Variants in COPG2 observed in about 807,000 individuals in gnomAD.
COPG2 encodes the protein coat protein complex I subunit gamma 2.
A neutral mutation model predicts 46.3 loss-of-function variants in COPG2; 37 were observed. The ratio of observed to expected loss-of-function variants is 0.80; its 90% CI spans 0.61 to 1.05. COPG2 has a LOEUF of 1.05. Among genes scored for constraint, COPG2 ranks in the 50% least tolerant of loss-of-function variants. The probability of loss-of-function intolerance (pLI) is 0.00; values close to 1 mark genes in which losing one functional copy is unlikely to be tolerated. For synonymous variants in COPG2, 159 were observed against 129.7 expected, an observed-to-expected ratio of 1.23 and a Z score of -1.53; for missense variants, 427 against 387.8, an observed-to-expected ratio of 1.10 and a Z score of -0.85.
intron 3 of COPG2, among the ~76,000 whole-genome samples, chr7:130,664,616 T>C (rs1796037939): frequency 6.6e-6 from 1 of 152,226 alleles, no homozygotes. Context: ...GTTAATTGTG[T>C]TTATGCTGTG....
intron 20 of COPG2, among the ~76,000 whole-genome samples, chr7:130,545,541 C>T (rs1480943653): frequency 6.6e-6 from 1 of 152,128 alleles, no homozygotes; most frequent in Non-Finnish European, 1.5e-5. Context: ...TCACTTCTTC[C>T]ATTGCACAGC....
At chr7:130,646,826 T>C (rs376529191) in intron 5 of COPG2, among the ~76,000 whole-genome samples, 1 of 151,656 alleles carries the variant, frequency 6.6e-6, no homozygotes, top group South Asian at 2.1e-4. Flanking sequence ...TCTGCCATGA[T>C]TGTAAGTTTC....
chr7:130,602,875 G>T (rs1438774745), intron 9 of COPG2: 3 of 152,066 alleles, frequency 2.0e-5, no homozygotes, highest in Non-Finnish European at 2.9e-5. Flanking sequence ...TCCAAGATCA[G>T]ATGAGACCTG....
At chr7:130,518,271 CAA>C (rs1218592289) in intron 20 of COPG2, among the ~76,000 whole-genome samples, 2 of 152,032 alleles carry the variant, frequency 1.3e-5, no homozygotes, top group African/African-American at 4.8e-5. Flanking sequence ...AATGTAACAT[CAA>C]GATAGGAAGA....
chr7:130,575,863 G>A (rs1425782966), intron 9 of COPG2, among the ~76,000 whole-genome samples: 3 of 152,138 alleles, frequency 2.0e-5, no homozygotes, highest in African/African-American at 7.2e-5. Context: ...AAGTACAGGG[G>A]TGCCTTTATG....
chr7:130,651,048 ATACTAC>A (rs1795727574), intron 5 of COPG2, among the ~76,000 whole-genome samples: 1 of 152,222 alleles, frequency 6.6e-6, no homozygotes, highest in Non-Finnish European at 1.5e-5. Context: ...ACTACATTCC[ATACTAC>A]TACTGGTTAA....
intron 5 of COPG2, among the ~76,000 whole-genome samples, chr7:130,624,316 A>G (rs1795083141): frequency 6.6e-6 from 1 of 152,192 alleles, no homozygotes; most frequent in Non-Finnish European, 1.5e-5. Flanking sequence ...TTATTGTCAA[A>G]TGTATTCCTG....
chr7:130,515,842 A>AAAGGGAGAG (rs1799673923), intron 20 of COPG2, among the ~76,000 whole-genome samples: 1 of 152,090 alleles, frequency 6.6e-6, no homozygotes, highest in African/African-American at 2.4e-5. Context: ...GAATACTGGG[A>AAAGGGAGAG]CAGGGAGAGT....
intron 12 of COPG2, among the ~76,000 whole-genome samples, chr7:130,557,604 C>A (rs1345455280): frequency 6.6e-6 from 1 of 151,478 alleles, no homozygotes; most frequent in South Asian, 2.1e-4. Context: ...GTCAGGAGCT[C>A]GAGAACAGCC....
At position 130,668,718 on chromosome 7, in the gene COPG2, G is replaced by T. The variant is rs1425498124; in HGVS notation, c.-50C>A. ...ACCCACCGCAACCGTCCCAGGCGCC[G>T]CAGCCGGCGAGCGGAAGAGGCTGCA... is the stretch of plus-strand genomic sequence containing the variant. On this transcript the variant is annotated 5_prime_UTR_variant, in exon 1 of 24. Transcript: ENST00000425248. The T allele has an allele frequency of 4.0e-6, 6 of 1,504,632 alleles. No individual in the cohort carries two copies. In the African/African-American group the frequency reaches 7.3e-5, roughly 18 times the overall value. The allele number at this position is 1,504,632 out of a possible 1,614,324, so 93.2% of individuals were successfully genotyped here.
chr7:130,564,085 ATAAAG>A (rs1383093148), intron 10 of COPG2, among the ~76,000 whole-genome samples, 170 bp downstream of exon 10: 1 of 152,220 alleles, frequency 6.6e-6, no homozygotes, highest in Non-Finnish European at 1.5e-5. Flanking sequence ...AAAAAAAGTA[ATAAAG>A]TAAGGAACAA....
chr7:130,519,005 C>CAAAAA (rs1163859617), intron 20 of COPG2, among the ~76,000 whole-genome samples: 1 of 116,468 alleles, frequency 8.6e-6, no homozygotes, highest in Admixed American at 8.9e-5. Flanking sequence ...GACTCTGTCT[C>CAAAAA]AAAAAAAAAA....
At chr7:130,668,542 C>G in intron 1 of COPG2, 90 bp downstream of exon 1, 1 of 1,299,166 alleles carries the variant, frequency 7.7e-7, no homozygotes, top group Non-Finnish European at 1.0e-6. Context: ...CGCCCACGCC[C>G]CCAGCCCCGC....
chr7:130,638,295 A>C (rs573107175), intron 5 of COPG2, among the ~76,000 whole-genome samples: 131 of 152,248 alleles, frequency 8.6e-4, no homozygotes, highest in African/African-American at 2.8e-3. Flanking sequence ...AGCAGGCAGG[A>C]ACGTTCAAGT....
intron 20 of COPG2, among the ~76,000 whole-genome samples, chr7:130,545,567 G>A (rs1019218698): frequency 1.3e-5 from 2 of 152,110 alleles, no homozygotes; most frequent in Non-Finnish European, 1.5e-5. Flanking sequence ...CTTTAGATTG[G>A]CCATGGATTA....
chr7:130,618,673 G>A (rs1645287556), intron 5 of COPG2, among the ~76,000 whole-genome samples: 2 of 152,064 alleles, frequency 1.3e-5, no homozygotes, highest in Admixed American at 1.3e-4. Flanking sequence ...TCTGTATCAA[G>A]TATATTATTC....
Position 130,577,777 on chromosome 7 carries a change from A to C in COPG2, c.738-13384T>G, listed in dbSNP as rs1386441737. Reference sequence around the variant, plus strand: ...AGCGAGACTCCGTCTCAAAAAAAAAAAAAAAAAAAAACAAAAAAAAAAAAC... The same window carrying C: ...AGCGAGACTCCGTCTCAAAAAAAAACAAAAAAAAAAACAAAAAAAAAAAAC... On this transcript the variant is annotated intron_variant, in intron 9 of 23. Transcript: ENST00000425248. 2.3e-3 allele frequency among the ~76,000 whole-genome samples: 343 copies of C among 150,964 alleles called. 2 individuals carry two copies. The highest frequency in any genetic ancestry group is 8.0e-3 in the African/African-American group (327 of 41,044).
rs1793468512 is a variant in COPG2 at position 130,547,728 on chromosome 7, G to A, written c.2095C>T (p.Gln699Ter). 1 of 398,552 alleles carries A rather than the reference G, an allele frequency of 2.5e-6. No homozygotes were observed. The highest frequency in any genetic ancestry group is 4.4e-6 in the Non-Finnish European group (1 of 226,096). The allele number at this position is 398,552 out of a possible 1,614,324, so 24.7% of individuals were successfully genotyped here. A position where few individuals can be genotyped will look rare whatever the true frequency, so the allele number is the denominator to read the frequency against. ...ACAAGAGTGTAACATATTCCTGGTT[G>A]GTTATAAGGAAGGCTGGGGGCTGGG... ...CIPAPSLPYN[Q>*]PGICYTLVRL... Residue 699 changes from glutamine to a stop codon, truncating the protein, a stop_gained, in exon 20 of 24, where the codon CAA becomes TAA. Coordinates refer to ENST00000425248, the MANE Select transcript of COPG2 (RefSeq NM_012133.6). LOFTEE classifies it high-confidence loss of function.
At chr7:130,599,937 C>T (rs1399926920) in intron 9 of COPG2, among the ~76,000 whole-genome samples, 4 of 152,164 alleles carry the variant, frequency 2.6e-5, no homozygotes, top group Non-Finnish European at 5.9e-5. Flanking sequence ...TCTATAAGTA[C>T]AGTTTTCACT....
Sources: allele counts gnomAD v4.1 joint callset (sites outside exome capture counted in the v4.1 genomes callset), GRCh38; gene constraint gnomAD v4.1.1; transcripts MANE v1.5; gene names NCBI Gene and HGNC (gene_info 2026-07-23, HGNC 2026-07-21).